The following PGCKA1 variants were observed in gnomAD, a reference collection of about 807,000 sequenced individuals.
The protein encoded by PGCKA1 is PDCD10 and GCKIII kinases-associated protein 1.
the PGCKA1 span, among the ~76,000 whole-genome samples, chr4:37,463,046 A>G: frequency 1.2e-4 from 18 of 150,882 alleles, no homozygotes; most frequent in Non-Finnish European, 2.4e-4. Context: ...CCCTCATTTT[A>G]TGGATAAGAA....
chr4:37,538,124 G>T, the PGCKA1 span, among the ~76,000 whole-genome samples: 1 of 151,852 alleles, frequency 6.6e-6, no homozygotes, highest in Admixed American at 6.6e-5. Context: ...TCAAATCTTG[G>T]TTTGAAAATC....
the PGCKA1 span, among the ~76,000 whole-genome samples, chr4:37,475,772 G>T: frequency 6.6e-6 from 1 of 152,010 alleles, no homozygotes; most frequent in Non-Finnish European, 1.5e-5. Context: ...CTAGAAAGGG[G>T]TTCTAGTGAG....
the PGCKA1 span, among the ~76,000 whole-genome samples, chr4:37,459,809 T>G: frequency 1.3e-5 from 2 of 150,624 alleles, no homozygotes; most frequent in African/African-American, 4.9e-5. Context: ...CTTTTTTTTT[T>G]TTTTTTAGCT....
the PGCKA1 span, among the ~76,000 whole-genome samples, chr4:37,524,411 C>A: frequency 6.6e-6 from 1 of 152,184 alleles, no homozygotes; most frequent in Non-Finnish European, 1.5e-5. Context: ...CAAGGTGACT[C>A]AAGTTGGATA....
At chr4:37,585,095 A>T in the PGCKA1 span, among the ~76,000 whole-genome samples, 1 of 126,480 alleles carries the variant, frequency 7.9e-6, no homozygotes, top group African/African-American at 3.2e-5. Flanking sequence ...GGATAAACAA[A>T]GTATTGCAGG....
the PGCKA1 span, among the ~76,000 whole-genome samples, chr4:37,544,643 TG>T: frequency 4.1e-3 from 623 of 152,148 alleles, 4 homozygotes; most frequent in African/African-American, 0.014. Flanking sequence ...TTCAAGGAGC[TG>T]TTTTTTTTGT....
chr4:37,457,760 A>G, the PGCKA1 span, among the ~76,000 whole-genome samples: 5 of 152,220 alleles, frequency 3.3e-5, no homozygotes, highest in African/African-American at 1.2e-4. Context: ...TGCACCTTCA[A>G]ATTGTTGTTA....
chr4:37,579,886 C>A, the PGCKA1 span, among the ~76,000 whole-genome samples: 5 of 152,116 alleles, frequency 3.3e-5, no homozygotes, highest in African/African-American at 1.2e-4. Flanking sequence ...TTCTACTTCT[C>A]CTTATGGCCA....
chr4:37,566,347 C>T, the PGCKA1 span, among the ~76,000 whole-genome samples: 1 of 151,738 alleles, frequency 6.6e-6, no homozygotes, highest in Non-Finnish European at 1.5e-5. Context: ...GTGGCCTGAT[C>T]TTGGCTCACT....
chr4:37,570,824 T>C, the PGCKA1 span, among the ~76,000 whole-genome samples: 4 of 152,234 alleles, frequency 2.6e-5, no homozygotes, highest in African/African-American at 9.6e-5. Flanking sequence ...GAGCCGGACG[T>C]CCTTGACCCT....
the PGCKA1 span, among the ~76,000 whole-genome samples, chr4:37,589,495 T>A: frequency 1.3e-5 from 2 of 152,230 alleles, no homozygotes; most frequent in African/African-American, 4.8e-5. Flanking sequence ...TGAGAGGATA[T>A]ACTCCTTATG....
the PGCKA1 span, among the ~76,000 whole-genome samples, chr4:37,505,710 A>G: frequency 3.3e-5 from 5 of 152,200 alleles, no homozygotes; most frequent in African/African-American, 4.8e-5. Context: ...CAGCATGGGA[A>G]AGACCTGCCC....
the PGCKA1 span, among the ~76,000 whole-genome samples, chr4:37,531,272 T>C: frequency 6.6e-6 from 1 of 152,204 alleles, no homozygotes; most frequent in Admixed American, 6.5e-5. Flanking sequence ...CACATGACTA[T>C]GGTAAAGACA....
the PGCKA1 span, among the ~76,000 whole-genome samples, chr4:37,558,434 T>A: frequency 1.3e-5 from 2 of 152,110 alleles, no homozygotes; most frequent in African/African-American, 4.8e-5. Flanking sequence ...CAGCGTGTGG[T>A]CCCGGGACCT....
At chr4:37,587,421 A>AT in the PGCKA1 span, among the ~76,000 whole-genome samples, 2 of 152,066 alleles carry the variant, frequency 1.3e-5, no homozygotes, top group African/African-American at 4.8e-5. Flanking sequence ...TGTGGATTTT[A>AT]TTTTTTTAAT....
the PGCKA1 span, among the ~76,000 whole-genome samples, chr4:37,485,717 A>G: frequency 6.6e-6 from 1 of 152,120 alleles, no homozygotes; most frequent in Non-Finnish European, 1.5e-5. Context: ...GAGTCATTTT[A>G]TGAAATGTGT....
chr4:37,590,114 C>T, the PGCKA1 span: 2 of 1,613,760 alleles, frequency 1.2e-6, no homozygotes. Context: ...GTTCAAGTGC[C>T]CTCTCCTGGC....
At chr4:37,568,283 C>T in the PGCKA1 span, among the ~76,000 whole-genome samples, 1 of 152,168 alleles carries the variant, frequency 6.6e-6, no homozygotes, top group East Asian at 1.9e-4. Context: ...TTCTTTGGCT[C>T]CTGGGAACTT....
the PGCKA1 span, among the ~76,000 whole-genome samples, chr4:37,485,562 G>A: frequency 6.6e-6 from 1 of 152,014 alleles, no homozygotes; most frequent in Non-Finnish European, 1.5e-5. Context: ...TAAATCTCTG[G>A]TCTTTATAAA....
Sources: gnomAD v4.1 joint callset for allele counts (sites outside exome capture counted in the v4.1 genomes callset) on GRCh38, gnomAD v4.1.1 for gene constraint, MANE v1.5 for transcripts, NCBI Gene and HGNC (gene_info 2026-07-23, HGNC 2026-07-21) for gene names.